Variants in DLGAP1 observed in about 807,000 individuals in gnomAD.
DLGAP1 encodes the protein disks large-associated protein 1.
Under a neutral mutation model 90.8 loss-of-function variants are expected in DLGAP1, and 11 were observed. The ratio of observed to expected loss-of-function variants is 0.12; its 90% confidence interval spans 0.08 to 0.20. DLGAP1 has a LOEUF of 0.20. Among genes scored for constraint, DLGAP1 ranks in the 10% least tolerant of loss-of-function variants. DLGAP1 has a pLI of 1.00. For missense variants in DLGAP1, 1,050 were observed against 1,333.8 expected, an observed-to-expected ratio of 0.79 and a Z score of 3.31; for synonymous variants, 558 against 540.7, an observed-to-expected ratio of 1.03 and a Z score of -0.44.
chr18:3,719,800 C>T (rs2061909094), intron 7 of DLGAP1, among the ~76,000 whole-genome samples: 1 of 152,078 alleles, frequency 6.6e-6, no homozygotes, highest in African/African-American at 2.4e-5. Flanking sequence ...ATCAAAGTAT[C>T]ATTGTGATTC....
rs1246372074 is a variant in DLGAP1 at position 4,455,011 on chromosome 18, C to A, written c.-272G>T. The stretch of plus-strand genomic sequence containing the variant: ...GCGGCGCAGCCCGGCGTTACCTGGC[C>A]GCGTCCCGCAGTCCGGCCCTCGCTG... On this transcript the variant is annotated 5_prime_UTR_variant, in exon 1 of 13. Coordinates refer to ENST00000315677, the MANE Select transcript of DLGAP1 (RefSeq NM_004746.4). 1 of 151,448 alleles carries A rather than the reference C, an allele frequency of 6.6e-6. No homozygotes were observed. Among genetic ancestry groups the A allele is most frequent in the Non-Finnish European group, 1.5e-5 (1 of 67,864 alleles). 9.4% of individuals were successfully genotyped at this position (151,448 alleles called of 1,614,324 possible).
chr18:4,183,903 A>G (rs72858794), intron 1 of DLGAP1, among the ~76,000 whole-genome samples: 27,316 of 152,116 alleles, frequency 0.18, 3,017 homozygotes, highest in Admixed American at 0.27. Flanking sequence ...AAGCTTTCCC[A>G]GTAAAAAGAC....
At chr18:4,331,020 CATT>C (rs1199389364) in intron 1 of DLGAP1, among the ~76,000 whole-genome samples, 1 of 151,764 alleles carries the variant, frequency 6.6e-6, no homozygotes, top group East Asian at 1.9e-4. Context: ...GAGGCTCTGT[CATT>C]AGGTGCAGAA....
intron 1 of DLGAP1, among the ~76,000 whole-genome samples, chr18:4,329,437 CTTTG>C (rs1387472160): frequency 2.6e-5 from 4 of 151,854 alleles, no homozygotes; most frequent in African/African-American, 7.2e-5. Flanking sequence ...AGTTCTCCAG[CTTTG>C]TTTTCTGTTT....
Position 3,534,545 on chromosome 18 carries a change from G to C in DLGAP1, c.2128C>G (p.Leu710Val). The change falls in exon 10 of 13, where the codon CTG becomes GTG. Residue 710 changes from leucine to valine, a missense_variant. This residue lies in a region of DLGAP1 where 565 missense variants were observed against 879.7 expected (regional missense o/e 0.64). Coordinates refer to ENST00000315677, the MANE Select transcript of DLGAP1 (RefSeq NM_004746.4). ...VQADLDFHDN[L>V]ENSLESIEDN... ...TCTATAGATTCCAGAGAATTTTCCA[G>C]ATTATCATGGAAGTCCAGGTCGGCC... 1 of 1,613,812 alleles carries C rather than the reference G, an allele frequency of 6.2e-7. No individual in the cohort carries two copies. The highest frequency in any genetic ancestry group is 1.1e-5 in the South Asian group (1 of 91,010).
chr18:4,177,728 T>C (rs2077134263), intron 1 of DLGAP1, among the ~76,000 whole-genome samples: 2 of 152,170 alleles, frequency 1.3e-5, no homozygotes, highest in Admixed American at 1.3e-4. Flanking sequence ...TTTGTTTTTT[T>C]GTTACTGTGT....
chr18:4,090,118 A>T (rs907178486), intron 2 of DLGAP1, among the ~76,000 whole-genome samples: 19 of 152,220 alleles, frequency 1.2e-4, no homozygotes, highest in African/African-American at 4.3e-4. Flanking sequence ...TAAAGACTTA[A>T]ATGTAAATCC....
intron 2 of DLGAP1, among the ~76,000 whole-genome samples, chr18:4,097,288 T>C (rs1045892585): frequency 2.0e-5 from 3 of 152,246 alleles, no homozygotes; most frequent in African/African-American, 7.2e-5. Context: ...CTTTTCTGCC[T>C]CAGAGCTGTC....
chr18:3,618,720 G>A (rs11659821), intron 7 of DLGAP1, among the ~76,000 whole-genome samples: 4 of 144,316 alleles, frequency 2.8e-5, no homozygotes, highest in African/African-American at 1.0e-4. Flanking sequence ...GAGCGGATCA[G>A]GAGGTCAGGA....
At chr18:4,196,844 C>T (rs1001470164) in intron 1 of DLGAP1, among the ~76,000 whole-genome samples, 1 of 151,828 alleles carries the variant, frequency 6.6e-6, no homozygotes, top group Non-Finnish European at 1.5e-5. Flanking sequence ...AAGAGAAGCA[C>T]AATTAAATAA....
intron 7 of DLGAP1, among the ~76,000 whole-genome samples, chr18:3,728,486 T>A (rs993311306): frequency 6.6e-6 from 1 of 152,050 alleles, no homozygotes; most frequent in African/African-American, 2.4e-5. Context: ...TAAAATCTAC[T>A]GACAAAAATA....
chr18:4,370,323 C>G (rs2081888820), intron 1 of DLGAP1, among the ~76,000 whole-genome samples: 1 of 152,178 alleles, frequency 6.6e-6, no homozygotes, highest in Admixed American at 6.5e-5. Flanking sequence ...TCCTGTGGAA[C>G]ATTCTGACGG....
intron 6 of DLGAP1, among the ~76,000 whole-genome samples, chr18:3,740,842 C>G (rs2062871909): frequency 6.6e-6 from 1 of 150,598 alleles, no homozygotes; most frequent in South Asian, 2.1e-4. Flanking sequence ...CCATAATCAT[C>G]ACCACCACCA....
intron 3 of DLGAP1, chr18:3,978,448 G>A (rs2073647536): frequency 6.9e-6 from 2 of 289,368 alleles, no homozygotes; most frequent in Admixed American, 3.7e-5. Context: ...CAGTGCTGTG[G>A]AATTAGCCAT....
At chr18:4,358,733 C>G (rs1346865910) in intron 1 of DLGAP1, among the ~76,000 whole-genome samples, 1 of 152,224 alleles carries the variant, frequency 6.6e-6, no homozygotes, top group Non-Finnish European at 1.5e-5. Flanking sequence ...GAGAGCAGGG[C>G]TCCTGTCTGC....
At chr18:4,205,738 G>A (rs148250979) in intron 1 of DLGAP1, among the ~76,000 whole-genome samples, 395 of 152,354 alleles carry the variant, frequency 2.6e-3, no homozygotes, top group Non-Finnish European at 4.3e-3. Context: ...ATAGCCACAT[G>A]TGACTCATGG....
intron 1 of DLGAP1, among the ~76,000 whole-genome samples, chr18:4,403,590 G>A (rs1422137070): frequency 6.6e-6 from 1 of 151,982 alleles, no homozygotes; most frequent in Admixed American, 6.6e-5. Context: ...TTATATTCCT[G>A]CCAAATTATA....
intron 1 of DLGAP1, among the ~76,000 whole-genome samples, chr18:4,429,024 C>T (rs559286514): frequency 3.3e-4 from 51 of 152,246 alleles, no homozygotes; most frequent in Middle Eastern, 3.4e-3. Flanking sequence ...ATTTGTCAAC[C>T]AAGGATCTAA....
intron 3 of DLGAP1, among the ~76,000 whole-genome samples, chr18:3,900,395 C>T (rs1193926283): frequency 6.6e-6 from 1 of 152,222 alleles, no homozygotes; most frequent in Non-Finnish European, 1.5e-5. Flanking sequence ...GCACCAGGTC[C>T]TTTGGAAATA....
Sources: allele counts gnomAD v4.1 joint callset (sites outside exome capture counted in the v4.1 genomes callset), GRCh38; gene constraint gnomAD v4.1.1; regional missense constraint gnomAD v4.1.1; transcripts MANE v1.5; gene names NCBI Gene and HGNC (gene_info 2026-07-23, HGNC 2026-07-21).